ARL13B: variants seen among roughly 807,000 people sequenced by gnomAD.
ARL13B encodes the protein ARF like GTPase 13B.
A neutral mutation model predicts 56.1 loss-of-function variants in ARL13B; 36 were observed. That is an observed-to-expected ratio of 0.64 (90% CI 0.49 to 0.85). ARL13B has a LOEUF of 0.85. Ranked by LOEUF, ARL13B falls within the 40% of genes least tolerant of loss-of-function variation. The probability of loss-of-function intolerance (pLI) is 0.00; values close to 1 mark genes in which losing one functional copy is unlikely to be tolerated. For missense variants in ARL13B, 519 were observed against 507.1 expected (o/e 1.02, Z -0.23); for synonymous variants, 178 against 171.1 (o/e 1.04, Z -0.32).
At chr3:94,016,896 T>G (rs1293012057) in intron 3 of ARL13B, among the ~76,000 whole-genome samples, 1 of 152,136 alleles carries the variant, frequency 6.6e-6, no homozygotes, top group Non-Finnish European at 1.5e-5. Context: ...CCGCCCACCT[T>G]GGCCTCCCAA....
At chr3:94,015,571 A>C (rs1156387779) in intron 3 of ARL13B, among the ~76,000 whole-genome samples, 1 of 152,176 alleles carries the variant, frequency 6.6e-6, no homozygotes. Context: ...TTGTCACATG[A>C]TAGTTTTTTT....
intron 3 of ARL13B, among the ~76,000 whole-genome samples, chr3:94,026,527 A>T (rs900994760): frequency 6.6e-6 from 1 of 152,222 alleles, no homozygotes; most frequent in Non-Finnish European, 1.5e-5. Flanking sequence ...AACTATATGT[A>T]TAACTATCCA....
chr3:94,043,014 G>A lies in ARL13B; in HGVS notation c.799-1G>A. 6.2e-7 allele frequency: 1 copy of A among 1,601,040 alleles called. No individual in the cohort carries two copies. The highest frequency in any genetic ancestry group is 8.5e-7 in the Non-Finnish European group (1 of 1,173,590). On this transcript the variant is annotated splice_acceptor_variant, in intron 6 of 9. Transcript: ENST00000394222. LOFTEE classifies it high-confidence loss of function. ...AGATAATGTATTTTATTTTTTGTTA[G>A]AATGAAGGAAAACTTGAAAGAGAGA...
intron 3 of ARL13B, among the ~76,000 whole-genome samples, chr3:94,033,082 G>A (rs2076705503): frequency 6.6e-6 from 1 of 152,176 alleles, no homozygotes; most frequent in African/African-American, 2.4e-5. Context: ...CAACGTGGAT[G>A]GAGCTGGAGG....
At chr3:94,025,134 T>C (rs985168751) in intron 3 of ARL13B, among the ~76,000 whole-genome samples, 12 of 152,082 alleles carry the variant, frequency 7.9e-5, no homozygotes, top group Admixed American at 1.3e-4. Context: ...TTTTTATCCA[T>C]GTAATATCAT....
At chr3:94,047,584 C>G (rs1055835456) in intron 7 of ARL13B, among the ~76,000 whole-genome samples, 1 of 152,150 alleles carries the variant, frequency 6.6e-6, no homozygotes, top group Non-Finnish European at 1.5e-5. Context: ...TTTAACATAG[C>G]AATCCCAGGG....
intron 1 of ARL13B, among the ~76,000 whole-genome samples, chr3:93,993,126 T>C (rs2075905457): frequency 1.3e-5 from 2 of 151,572 alleles, no homozygotes; most frequent in Admixed American, 6.6e-5. Flanking sequence ...ATTTTATTTA[T>C]TATTTTATTT....
At chr3:93,995,321 G>GTT (rs146246883) in intron 1 of ARL13B, among the ~76,000 whole-genome samples, 1 of 147,916 alleles carries the variant, frequency 6.8e-6, no homozygotes, top group Non-Finnish European at 1.5e-5. Flanking sequence ...TTGACTAGGT[G>GTT]TTTTTTTTTT....
In ARL13B at chr3:94,054,215, G is replaced by A. The variant is rs749361272; in HGVS notation, c.*952G>A. The A allele has an allele frequency of 2.2e-6, 1 of 452,512 alleles. No homozygotes were observed. The highest frequency in any genetic ancestry group is 1.6e-5 in the South Asian group (1 of 64,234). The allele number at this position is 452,512 out of a possible 1,614,324, so 28.0% of individuals were successfully genotyped here. A position where few individuals can be genotyped will look rare whatever the true frequency, so the allele number is the denominator to read the frequency against. On this transcript the variant is annotated 3_prime_UTR_variant, in exon 10 of 10. Coordinates refer to ENST00000394222, the MANE Select transcript of ARL13B (RefSeq NM_001174150.2). Reference sequence around the variant, plus strand: ...TTGAAATTAAACTATGAAATTAAAGGCAGAAAAACTGGAAAACCTACTGCA... The same window carrying A: ...TTGAAATTAAACTATGAAATTAAAGACAGAAAAACTGGAAAACCTACTGCA...
chr3:94,014,916 CTT>C, intron 3 of ARL13B: 1 of 1,613,466 alleles, frequency 6.2e-7, no homozygotes, highest in Non-Finnish European at 8.5e-7. Context: ...CAACCTCTGA[CTT>C]TTTAACTTCT....
intron 2 of ARL13B, among the ~76,000 whole-genome samples, chr3:93,998,563 G>C (rs1389668615): frequency 6.6e-6 from 1 of 151,906 alleles, no homozygotes; most frequent in Admixed American, 6.6e-5. Flanking sequence ...TTATATTTTT[G>C]TGTTGTTCTC....
intron 3 of ARL13B, chr3:94,028,554 G>T (rs868855260): frequency 6.6e-6 from 1 of 152,226 alleles, no homozygotes. Context: ...TCAAATAAGA[G>T]ATAAAGTTGT....
chr3:94,006,072 G>A (rs1025566376), intron 3 of ARL13B, among the ~76,000 whole-genome samples: 5 of 152,076 alleles, frequency 3.3e-5, no homozygotes, highest in African/African-American at 1.2e-4. Context: ...AGGCCGAGGA[G>A]GGCAGATCAC....
chr3:93,993,368 C>T (rs1048972516), intron 1 of ARL13B, among the ~76,000 whole-genome samples: 1 of 152,076 alleles, frequency 6.6e-6, no homozygotes, highest in African/African-American at 2.4e-5. Context: ...TCAAAGTGAT[C>T]TGCCCACCTC....
rs1445621267 is a variant in ARL13B, at chr3:94,014,705, C to A, written c.380+10797C>A. 3 of 1,612,696 alleles carry A rather than the reference C, an allele frequency of 1.9e-6. No individual in the cohort carries two copies. In the Admixed American group the frequency reaches 5.0e-5, roughly 27 times the overall value. On this transcript the variant is annotated intron_variant, in intron 3 of 9. Transcript: ENST00000394222. The stretch of plus-strand genomic sequence containing the variant: ...CTTTCATTAAAAACTTCCCATTTTC[C>A]TTGATGAAGCATATCATTTACATCT...
Position 94,054,305 on chromosome 3 carries a change from T to C in ARL13B, c.*1042T>C, listed in dbSNP as rs1253718309. On this transcript the variant is annotated 3_prime_UTR_variant, in exon 10 of 10. Coordinates refer to ENST00000394222, the MANE Select transcript of ARL13B (RefSeq NM_001174150.2). ...TGTACTAAAGTAATGAGAATAAAAA[T>C]GTTGGCCCAAAATTACTTTTATAAA... is the stretch of plus-strand genomic sequence containing the variant. 2.3e-6 allele frequency: 1 copy of C among 438,444 alleles called. No homozygotes were observed. The highest frequency in any genetic ancestry group is 4.5e-6 in the Non-Finnish European group (1 of 220,314). The allele number at this position is 438,444 out of a possible 1,614,324, so 27.2% of individuals were successfully genotyped here.
chr3:94,002,262 T>G (rs1459242459), intron 2 of ARL13B, among the ~76,000 whole-genome samples: 1 of 152,006 alleles, frequency 6.6e-6, no homozygotes, highest in African/African-American at 2.4e-5. Context: ...TTTTTTAAAC[T>G]CTAGATGTTA....
intron 3 of ARL13B, among the ~76,000 whole-genome samples, chr3:94,010,287 C>G (rs1476720498): frequency 6.6e-6 from 1 of 151,988 alleles, no homozygotes; most frequent in Non-Finnish European, 1.5e-5. Flanking sequence ...CAGTGTTTCA[C>G]TAGTGTTCTG....
At chr3:93,991,754 A>T (rs148255246) in intron 1 of ARL13B, among the ~76,000 whole-genome samples, 171 of 152,332 alleles carry the variant, frequency 1.1e-3, no homozygotes, top group African/African-American at 3.8e-3. Flanking sequence ...TAGAAGTTTG[A>T]GTTTTAGGTG....
Sources: gnomAD v4.1 joint callset for allele counts (sites outside exome capture counted in the v4.1 genomes callset) on GRCh38, gnomAD v4.1.1 for gene constraint, MANE v1.5 for transcripts, NCBI Gene and HGNC (gene_info 2026-07-23, HGNC 2026-07-21) for gene names.